The following MYH7 variants were observed in gnomAD, a reference collection of about 807,000 sequenced individuals.
The protein encoded by MYH7 is myosin-7.
MYH7 carries 129 observed loss-of-function variants against 225.4 expected under a neutral mutation model. That is an observed-to-expected ratio of 0.57 (90% CI 0.50 to 0.66). The LOEUF is 0.66. MYH7 is among the 30% of genes least tolerant of loss of function. The pLI is 0.00. For synonymous variants in MYH7, 971 were observed against 1,007.6 expected (o/e 0.96, Z 0.69); for missense variants, 1,649 against 2,517.0 (o/e 0.66, Z 7.38).
chr14:23,425,915 C>T lies in MYH7; in HGVS notation c.2162+49G>A, dbSNP rs770415304. The T allele has an allele frequency of 6.2e-7, 1 of 1,612,908 alleles. No homozygotes were observed. Among genetic ancestry groups the T allele is most frequent in the East Asian group, 2.2e-5 (1 of 44,886 alleles). The stretch of plus-strand genomic sequence containing the variant: ...CCTGCAGATCCCATTCCCATCAGGG[C>T]AGCCTGGCTCCCCCTGTTCTATGAG... On this transcript the variant is annotated intron_variant, in intron 19 of 39. Transcript: ENST00000355349. The surrounding 1 kb of genome is among the most constrained non-coding windows in gnomAD (Gnocchi z 4.6).
rs750753882 is a variant in MYH7 at position 23,416,970 on chromosome 14, C to T, written c.4542G>A (p.Glu1514=). The change falls in exon 33 of 40, where the codon GAG becomes GAA. Residue 1514 remains glutamate (E), a synonymous_variant. Transcript: ENST00000355349. ...TAGTCTTTCCGCTGGAACCCAACTG[C>T]TCAGTCAAGTCGGAGATCTCCTCTG... ...NLQEEISDLT[E]QLGSSGKTIH... is the part of the protein sequence containing the mutation. The T allele has an allele frequency of 4.3e-6, 7 of 1,614,252 alleles. No individual in the cohort carries two copies. The highest frequency in any genetic ancestry group is 5.9e-6 in the Non-Finnish European group (7 of 1,180,046).
intron 29 of MYH7, 77 bp downstream of exon 29, chr14:23,419,100 G>T: frequency 1.6e-6 from 2 of 1,261,080 alleles, no homozygotes; most frequent in Non-Finnish European, 2.3e-6. Context: ...CCTTATTGCT[G>T]GGAAGGGAAG....
intron 12 of MYH7, 146 bp from the exon 13 acceptor site, chr14:23,429,493 T>G (rs1221831309): frequency 6.8e-6 from 6 of 888,708 alleles, no homozygotes; most frequent in Non-Finnish European, 1.1e-5. Flanking sequence ...CTGGCCAACA[T>G]GATGAAACCC....
chr14:23,415,308 G>T lies in MYH7; in HGVS notation c.5284-38C>A. The T allele has an allele frequency of 6.2e-7, 1 of 1,614,232 alleles. No homozygotes were observed. Among genetic ancestry groups the T allele is most frequent in the East Asian group, 2.2e-5 (1 of 44,876 alleles). ...GAGAGGTGGCACATGGTCTGGTCAA[G>T]TCCTCACACACTTGCTGCCCAGCCC... On this transcript the variant is annotated intron_variant, in intron 36 of 39. Coordinates refer to ENST00000355349, the MANE Select transcript of MYH7 (RefSeq NM_000257.4). The surrounding 1 kb of genome is among the most constrained non-coding windows in gnomAD (Gnocchi z 6.3).
In MYH7 at chr14:23,433,835, C is replaced by A. The variant is rs1201432779; in HGVS notation, c.-8-95G>T. On this transcript the variant is annotated intron_variant, in intron 2 of 39. Transcript: ENST00000355349. This position sits in a 1 kb window ranked among gnomAD's most constrained non-coding sequence, Gnocchi z 4.1. ...TCAGTGGGAGCCCCAAAACCTAGCA[C>A]CATGCTCAAGAGTCAAGAGGAGTTA... The A allele has an allele frequency of 7.9e-7, 1 of 1,259,718 alleles. No individual in the cohort carries two copies. The highest frequency in any genetic ancestry group is 1.1e-6 in the Non-Finnish European group (1 of 881,914). The allele number at this position is 1,259,718 out of a possible 1,614,324, so 78.0% of individuals were successfully genotyped here.
intron 17 of MYH7, among the ~76,000 whole-genome samples, 165 bp from the exon 18 acceptor site, chr14:23,427,029 CA>C (rs1296523951): frequency 6.6e-6 from 1 of 151,490 alleles, no homozygotes; most frequent in African/African-American, 2.4e-5. Flanking sequence ...GGGTGGGAGA[CA>C]GAAGGGAAAG....
chr14:23,421,292 C>T (rs1179435052), intron 25 of MYH7, among the ~76,000 whole-genome samples: 1 of 152,152 alleles, frequency 6.6e-6, no homozygotes, highest in Admixed American at 6.5e-5. Context: ...ACATTCCCAT[C>T]TTTGGTCCTT....
At position 23,415,690 on chromosome 14, in the gene MYH7, C is replaced by T. The variant is rs146778113; in HGVS notation, c.5096G>A (p.Arg1699Gln). Residue 1699 changes from arginine (R) to glutamine (Q), a missense_variant, in exon 35 of 40, where the codon CGG becomes CAG. Arg to Gln is a conservative substitution (Grantham distance 43, BLOSUM62 1). Around this residue, in one of 12 missense-constraint regions of MYH7, gnomAD observed 687 missense variants for 913.8 expected, o/e 0.75. Transcript: ENST00000355349. The surrounding 1 kb of genome is among the most constrained non-coding windows in gnomAD (Gnocchi z 6.3). ...RAVVEQTERS[R>Q]KLAEQELIET... ...AATCAGCTCCTGCTCCGCCAGCTTC[C>T]GGGACCGCTCTGTCTGCTCCACCAC... The T allele has an allele frequency of 8.7e-6, 14 of 1,614,036 alleles. No individual in the cohort carries two copies. Among genetic ancestry groups the T allele is most frequent in the Non-Finnish European group, 7.6e-6 (9 of 1,180,054 alleles).
Position 23,417,483 on chromosome 14 carries a change from G to C in MYH7, c.4353+20C>G. The C allele has an allele frequency of 6.2e-7, 1 of 1,612,202 alleles. No homozygotes were observed. The highest frequency in any genetic ancestry group is 8.5e-7 in the Non-Finnish European group (1 of 1,180,022). On this transcript the variant is annotated intron_variant, in intron 31 of 39. Transcript: ENST00000355349. ...CCCCCTTGCCCTGCATGCTGGCTGC[G>C]GCCCCCACCCAGGGCCCACCTTGTC...
At chr14:23,435,068 C>T (rs562768964) in intron 1 of MYH7, among the ~76,000 whole-genome samples, 8 of 152,220 alleles carry the variant, frequency 5.3e-5, no homozygotes, top group Admixed American at 3.3e-4. Flanking sequence ...CCTACACCCC[C>T]GTGCCTGTGA....
chr14:23,425,880 T>G lies in MYH7; in HGVS notation c.2163-62A>C, dbSNP rs909498862. 1 of 1,612,878 alleles carries G rather than the reference T, an allele frequency of 6.2e-7. No individual in the cohort carries two copies. Among genetic ancestry groups the G allele is most frequent in the African/African-American group, 1.3e-5 (1 of 74,878 alleles). ...CAGTGATCTGCTCTGCCCATAGAATTCCAGGGTCACCTGCAGATCCCATTC... is the reference window on the plus strand; with the variant it reads ...CAGTGATCTGCTCTGCCCATAGAATGCCAGGGTCACCTGCAGATCCCATTC... On this transcript the variant is annotated intron_variant, in intron 19 of 39. Transcript: ENST00000355349. This position sits in a 1 kb window ranked among gnomAD's most constrained non-coding sequence, Gnocchi z 4.6.
rs730880883 is a variant in MYH7 at position 23,426,809 on chromosome 14, C to T, written c.2012G>A (p.Arg671His). 2 of 1,614,088 alleles carry T rather than the reference C, an allele frequency of 1.2e-6. No homozygotes were observed. The highest frequency in any genetic ancestry group is 1.7e-6 in the Non-Finnish European group (2 of 1,180,042). The stretch of plus-strand genomic sequence containing the variant: ...CTTTGTCTCATTAGGGATGATACAA[C>T]GTACAAAGTGGGGATGGGTGGAGCG... ...NLRSTHPHFV[R>H]CIIPNETKSP... The change falls in exon 18 of 40, where the codon CGT becomes CAT. Residue 671 changes from arginine to histidine, a missense_variant. By Grantham distance (29) the Arg-to-His change is conservative. Transcript: ENST00000355349.
At chr14:23,430,179 T>C (rs527538034) in intron 11 of MYH7, among the ~76,000 whole-genome samples, 1 of 152,214 alleles carries the variant, frequency 6.6e-6, no homozygotes, top group African/African-American at 2.4e-5. Flanking sequence ...CACTTATGCT[T>C]CCTGGCCCTA....
chr14:23,424,152 G>A lies in MYH7; in HGVS notation c.2680-3C>T, dbSNP rs111777242. The A allele has an allele frequency of 6.2e-7, 1 of 1,614,122 alleles. No individual in the cohort carries two copies. The highest frequency in any genetic ancestry group is 8.5e-7 in the Non-Finnish European group (1 of 1,180,040). ...GCATCTGCCAGGTTGTCTTGTTCCT[G>A]AAGGTGAGGAACAGAGGGGAGGCTG... On this transcript the variant is annotated splice_region_variant and splice_polypyrimidine_tract_variant and intron_variant, in intron 22 of 39. Transcript: ENST00000355349.
At position 23,429,117 on chromosome 14, in the gene MYH7, G is replaced by A; in HGVS notation, c.1258-13C>T. 1 of 1,614,200 alleles carries A rather than the reference G, an allele frequency of 6.2e-7. No individual in the cohort carries two copies. Among genetic ancestry groups the A allele is most frequent in the Non-Finnish European group, 8.5e-7 (1 of 1,180,034 alleles). On this transcript the variant is annotated splice_polypyrimidine_tract_variant and intron_variant, in intron 13 of 39. Transcript: ENST00000355349. ...TGGCATATATCACCTGCAAGGTGGA[G>A]GAGAGACCCATATTGAGCAGGGTTG...
At chr14:23,432,931 G>A in intron 4 of MYH7, 136 bp from the exon 5 acceptor site, 2 of 1,481,032 alleles carry the variant, frequency 1.4e-6, no homozygotes, top group South Asian at 2.3e-5. Context: ...AGTAATGCCA[G>A]TCCCCAGAGT....
At position 23,425,173 on chromosome 14, in the gene MYH7, T is replaced by G; in HGVS notation, c.2423+109A>C. 1 of 1,599,146 alleles carries G rather than the reference T, an allele frequency of 6.3e-7. No individual in the cohort carries two copies. Among genetic ancestry groups the G allele is most frequent in the Admixed American group, 1.7e-5 (1 of 59,626 alleles). ...ACTGCAGTGTGTTCATATGAGCCCC[T>G]CCTGCAGGTCTCTGTGTTTGAAGAT... On this transcript the variant is annotated intron_variant, in intron 21 of 39. Transcript: ENST00000355349. This position sits in a 1 kb window ranked among gnomAD's most constrained non-coding sequence, Gnocchi z 4.6.
At position 23,415,319 on chromosome 14, in the gene MYH7, C is replaced by G; in HGVS notation, c.5284-49G>C. On this transcript the variant is annotated intron_variant, in intron 36 of 39. Transcript: ENST00000355349. This position sits in a 1 kb window ranked among gnomAD's most constrained non-coding sequence, Gnocchi z 6.3. ...CATGGTCTGGTCAAGTCCTCACACA[C>G]TTGCTGCCCAGCCCACGGAGAGACA... is the stretch of plus-strand genomic sequence containing the variant. 6.2e-7 allele frequency: 1 copy of G among 1,614,260 alleles called. No homozygotes were observed. The highest frequency in any genetic ancestry group is 8.5e-7 in the Non-Finnish European group (1 of 1,180,048).
At chr14:23,426,755 T>TG in intron 18 of MYH7, 22 bp downstream of exon 18, 1 of 1,607,412 alleles carries the variant, frequency 6.2e-7, no homozygotes, top group South Asian at 1.1e-5. Flanking sequence ...AGCAGTGGGT[T>TG]GGCCTGAGTT....
Sources: gnomAD v4.1 joint callset for allele counts (sites outside exome capture counted in the v4.1 genomes callset) on GRCh38, gnomAD v4.1.1 for gene constraint, gnomAD v4.1.1 regional missense constraint, Gnocchi (gnomAD v3.1) non-coding constraint, MANE v1.5 for transcripts, NCBI Gene and HGNC (gene_info 2026-07-23, HGNC 2026-07-21) for gene names.